ANK2: variants seen among roughly 807,000 people sequenced by gnomAD.
ANK2 encodes ankyrin 2.
In ANK2, 83 loss-of-function variants were observed where a neutral mutation model predicts 360.5. The observed-to-expected ratio is 0.23, with a 90% CI of 0.19 to 0.28. The LOEUF is 0.28. ANK2 is among the 10% of genes least tolerant of loss of function. ANK2 has a pLI of 1.00. For synonymous variants in ANK2, 1,740 were observed against 1,759.5 expected (o/e 0.99, Z 0.28); for missense variants, 4,201 against 4,795.7 (o/e 0.88, Z 3.66).
intron 10 of ANK2, among the ~76,000 whole-genome samples, chr4:113,250,899 T>A (rs61422191): frequency 0.012 from 1,771 of 152,222 alleles, 30 homozygotes; most frequent in African/African-American, 0.04. Context: ...ATGTTTAAGA[T>A]ATGTGTAGAA....
At chr4:112,738,346 A>G in the ANK2 span, among the ~76,000 whole-genome samples, 3 of 144,806 alleles carry the variant, frequency 2.1e-5, no homozygotes, top group African/African-American at 7.7e-5. Context: ...AGGGAGGCAG[A>G]GGTTGCAGTG....
intron 2 of ANK2, among the ~76,000 whole-genome samples, chr4:113,010,283 A>G (rs1451385685): frequency 6.6e-6 from 1 of 152,180 alleles, no homozygotes; most frequent in Admixed American, 6.6e-5. Context: ...CAAAACCAAT[A>G]TATTTCCCTC....
At position 113,340,002 on chromosome 4, in the gene ANK2, G is replaced by A. The variant is rs140013350; in HGVS notation, c.3893+680G>A. Among the ~76,000 whole-genome samples, 574 of 152,300 alleles carry A rather than the reference G, an allele frequency of 3.8e-3. 4 individuals carry two copies. The highest frequency in any genetic ancestry group is 5.0e-3 in the Admixed American group (77 of 15,288). On this transcript the variant is annotated intron_variant, in intron 32 of 45. Coordinates refer to ENST00000357077, the MANE Select transcript of ANK2 (RefSeq NM_001148.6). The stretch of plus-strand genomic sequence containing the variant: ...ACGTACATTTCTATTTGGGGTGGAG[G>A]AGAAAACATAAAAGTGCATGAATAG...
chr4:113,001,588 G>A (rs1578745389), intron 2 of ANK2, among the ~76,000 whole-genome samples: 3 of 151,976 alleles, frequency 2.0e-5, no homozygotes, highest in Non-Finnish European at 4.4e-5. Context: ...ATATTATTTG[G>A]CCTTTGATTC....
In ANK2 at chr4:113,374,770, T is replaced by C. The variant is rs144739868; in HGVS notation, c.11859+1321T>C. ...TGTGTCCTTCGATCATTAGGTCACT[T>C]TGTGTGAGCCCAGCATTTTGTCCAG... On this transcript the variant is annotated intron_variant, in intron 45 of 45. Transcript: ENST00000357077. The C allele has an allele frequency of 3.0e-4, 330 of 1,112,598 alleles. 2 individuals are homozygous for C. In the African/African-American group the frequency reaches 3.7e-3, roughly 13 times the overall value. The allele number at this position is 1,112,598 out of a possible 1,614,324, so 68.9% of individuals were successfully genotyped here. A position where few individuals can be genotyped will look rare whatever the true frequency, so the allele number is the denominator to read the frequency against.
intron 1 of ANK2, among the ~76,000 whole-genome samples, chr4:112,837,533 C>T (rs2061252031): frequency 6.6e-6 from 1 of 152,236 alleles, no homozygotes; most frequent in Non-Finnish European, 1.5e-5. Context: ...GATCCACCAA[C>T]AGCTTGCACT....
chr4:112,711,194 C>CAA, the ANK2 span, among the ~76,000 whole-genome samples: 1,772 of 135,162 alleles, frequency 0.013, 37 homozygotes, highest in African/African-American at 0.044. Context: ...CACACTGTCT[C>CAA]AAAAAAAAAA....
chr4:113,284,124 G>C (rs1334491247), intron 18 of ANK2, among the ~76,000 whole-genome samples: 1 of 152,164 alleles, frequency 6.6e-6, no homozygotes, highest in Admixed American at 6.5e-5. Context: ...GTCTTCCAAA[G>C]GATAGTTGCA....
chr4:112,770,562 A>G, the ANK2 span, among the ~76,000 whole-genome samples: 95,678 of 152,032 alleles, frequency 0.63, 31,762 homozygotes, highest in East Asian at 0.92. Context: ...AAAAATTATC[A>G]GAGCATAGAG....
intron 26 of ANK2, among the ~76,000 whole-genome samples, chr4:113,321,157 A>G (rs1286815614): frequency 6.6e-6 from 1 of 152,246 alleles, no homozygotes; most frequent in South Asian, 2.1e-4. Context: ...TTCAGTTTCC[A>G]TATCTATAAG....
intron 1 of ANK2, among the ~76,000 whole-genome samples, chr4:113,118,115 GTTTC>G (rs2095013978): frequency 6.6e-6 from 1 of 151,996 alleles, no homozygotes; most frequent in Non-Finnish European, 1.5e-5. Flanking sequence ...TTGAACTATT[GTTTC>G]TTTCTCTTAA....
chr4:113,329,462 A>G (rs1220922822), intron 26 of ANK2, among the ~76,000 whole-genome samples: 1 of 152,224 alleles, frequency 6.6e-6, no homozygotes, highest in Non-Finnish European at 1.5e-5. Flanking sequence ...ATAATTTTTT[A>G]CATTCAATTT....
At chr4:113,046,664 T>G (rs2064531292), upstream of ANK2, among the ~76,000 whole-genome samples, 1 of 152,096 alleles carries the variant, frequency 6.6e-6, no homozygotes, top group Non-Finnish European at 1.5e-5. Flanking sequence ...CTTCCCAGCC[T>G]CAGAACTGTG....
the ANK2 span, among the ~76,000 whole-genome samples, chr4:112,714,742 G>T: frequency 2.0e-5 from 3 of 152,008 alleles, no homozygotes; most frequent in African/African-American, 7.3e-5. Flanking sequence ...AAATAAATAG[G>T]GACTTTAAGC....
intron 1 of ANK2, among the ~76,000 whole-genome samples, chr4:112,851,844 G>A (rs1198928024): frequency 1.3e-5 from 2 of 152,048 alleles, no homozygotes; most frequent in Non-Finnish European, 2.9e-5. Context: ...GGGTGATCTC[G>A]AACTGCTGAC....
rs532229930 is a variant in ANK2, at chr4:113,119,935, A to G, written c.85-54481A>G. Reference sequence around the variant, plus strand: ...TTTTGTACTCCTTAAAACATTTAAAATTAATTTTAATTATTTGTAAACTTG... The same window carrying G: ...TTTTGTACTCCTTAAAACATTTAAAGTTAATTTTAATTATTTGTAAACTTG... On this transcript the variant is annotated intron_variant, in intron 1 of 45. Transcript: ENST00000357077. Among the ~76,000 whole-genome samples, 4 of 152,264 alleles carry G rather than the reference A, an allele frequency of 2.6e-5. No homozygotes were observed. The South Asian group carries it at 8.3e-4, about 32-fold the overall frequency.
chr4:113,209,453 C>G (rs1181895092), intron 4 of ANK2, among the ~76,000 whole-genome samples: 1 of 151,892 alleles, frequency 6.6e-6, no homozygotes, highest in African/African-American at 2.4e-5. Flanking sequence ...TGTAGGCCCT[C>G]TGAACGGCCA....
chr4:113,146,518 AT>A (rs2096842093), intron 1 of ANK2, among the ~76,000 whole-genome samples: 1 of 152,138 alleles, frequency 6.6e-6, no homozygotes, highest in South Asian at 2.1e-4. Flanking sequence ...TTTTCTTGTT[AT>A]GATAGTAATA....
chr4:113,379,162 T>C (rs183022216), intron 45 of ANK2, among the ~76,000 whole-genome samples: 6 of 152,338 alleles, frequency 3.9e-5, no homozygotes, highest in African/African-American at 1.4e-4. Flanking sequence ...AAATGCTACA[T>C]GAATTAAGGA....
Sources: allele counts gnomAD v4.1 joint callset (sites outside exome capture counted in the v4.1 genomes callset), GRCh38; gene constraint gnomAD v4.1.1; transcripts MANE v1.5; gene names NCBI Gene and HGNC (gene_info 2026-07-23, HGNC 2026-07-21).